Variants in BCO1 observed in about 807,000 individuals in gnomAD.
BCO1 encodes the protein beta,beta-carotene 15,15'-dioxygenase.
BCO1 carries 54 observed loss-of-function variants against 56.3 expected under a neutral mutation model. That is an observed-to-expected ratio of 0.96 (90% CI 0.77 to 1.20). The LOEUF (loss-of-function observed/expected upper bound fraction) is 1.20. BCO1 is among the 50% of genes most tolerant of loss of function. BCO1 has a pLI of 0.00. For synonymous variants in BCO1, 318 were observed against 266.1 expected, an observed-to-expected ratio of 1.20 and a Z score of -1.90; for missense variants, 801 against 690.9, an observed-to-expected ratio of 1.16 and a Z score of -1.79.
At chr16:81,265,604 C>G (rs1906768445) in intron 5 of BCO1, among the ~76,000 whole-genome samples, 1 of 147,696 alleles carries the variant, frequency 6.8e-6, no homozygotes, top group African/African-American at 2.5e-5. Context: ...CATCATTCAT[C>G]CATCCATCCA....
Position 81,276,420 on chromosome 16 carries a change from G to A in BCO1, c.1102-4437G>A, listed in dbSNP as rs892525266. On this transcript the variant is annotated intron_variant, in intron 7 of 10. Transcript: ENST00000258168. ...GGGCCCAGCCTTGCTTCCAATACCC[G>A]TCTTCCTAAGGGCAGACTGCCACTC... Among the ~76,000 whole-genome samples, 17 of 152,248 alleles carry A rather than the reference G, an allele frequency of 1.1e-4. 1 individual carries two copies. Among genetic ancestry groups the A allele is most frequent in the Middle Eastern group, 6.8e-3 (2 of 294 alleles).
At chr16:81,269,167 C>T (rs60281792) in intron 6 of BCO1, among the ~76,000 whole-genome samples, 1 of 149,102 alleles carries the variant, frequency 6.7e-6, no homozygotes, top group East Asian at 2.0e-4. Flanking sequence ...TATAGAAAGC[C>T]ATGTATAAAA....
At chr16:81,284,715 C>T (rs1308569400) in intron 8 of BCO1, among the ~76,000 whole-genome samples, 1 of 151,962 alleles carries the variant, frequency 6.6e-6, no homozygotes, top group Non-Finnish European at 1.5e-5. Flanking sequence ...AAACTCCTGG[C>T]CTCAAGCGAT....
chr16:81,282,770 C>G (rs1907957511), intron 8 of BCO1, among the ~76,000 whole-genome samples: 1 of 152,106 alleles, frequency 6.6e-6, no homozygotes, highest in Admixed American at 6.6e-5. Context: ...TAATCCCTGC[C>G]CCCGTGACAG....
Position 81,238,948 on chromosome 16 carries a change from G to A in BCO1, c.40G>A (p.Glu14Lys), listed in dbSNP as rs928179301. 6.2e-7 allele frequency: 1 copy of A among 1,613,922 alleles called. No homozygotes were observed. Among genetic ancestry groups the A allele is most frequent in the Non-Finnish European group, 8.5e-7 (1 of 1,180,020 alleles). Residue 14 changes from glutamate (E) to lysine (K), a missense_variant, in exon 1 of 11, where the codon GAG becomes AAG. Transcript: ENST00000258168. ...TGGCAGGAATAGGAAAGAACAGCTGGAGCCTGTGAGGGCCAAAGTGACAGG... is the reference window on the plus strand; with the variant it reads ...TGGCAGGAATAGGAAAGAACAGCTGAAGCCTGTGAGGGCCAAAGTGACAGG... ...IFGRNRKEQL[E>K]PVRAKVTGKI...
chr16:81,276,376 G>C (rs946580693), intron 7 of BCO1, among the ~76,000 whole-genome samples: 1 of 152,196 alleles, frequency 6.6e-6, no homozygotes, highest in African/African-American at 2.4e-5. Context: ...GGACACCTGG[G>C]ATCCCAGAAG....
chr16:81,249,740 T>C (rs1228786141), intron 2 of BCO1, among the ~76,000 whole-genome samples: 2 of 152,134 alleles, frequency 1.3e-5, no homozygotes, highest in Middle Eastern at 3.2e-3. Context: ...GCTGGGAAAA[T>C]AGGAAACCCA....
At chr16:81,250,984 G>A (rs1205228850) in intron 2 of BCO1, among the ~76,000 whole-genome samples, 1 of 152,130 alleles carries the variant, frequency 6.6e-6, no homozygotes, top group Non-Finnish European at 1.5e-5. Flanking sequence ...GTGACCCCGA[G>A]CCCTCTGAGG....
chr16:81,259,052 C>T (rs1381674783), intron 2 of BCO1, among the ~76,000 whole-genome samples: 1 of 152,142 alleles, frequency 6.6e-6, no homozygotes, highest in Non-Finnish European at 1.5e-5. Flanking sequence ...GAGGGACCCA[C>T]CCCCATCACC....
intron 7 of BCO1, among the ~76,000 whole-genome samples, chr16:81,276,243 T>A (rs1454362307): frequency 6.6e-6 from 1 of 152,246 alleles, no homozygotes; most frequent in Admixed American, 6.5e-5. Flanking sequence ...TTTGGCACTT[T>A]GGAGGACTGT....
chr16:81,261,144 A>G (rs1906458632), intron 3 of BCO1, among the ~76,000 whole-genome samples: 1 of 152,170 alleles, frequency 6.6e-6, no homozygotes, highest in Admixed American at 6.5e-5. Context: ...TAAAACCACC[A>G]TACTTACCTG....
At chr16:81,278,868 C>A (rs911640138) in intron 7 of BCO1, among the ~76,000 whole-genome samples, 1 of 152,196 alleles carries the variant, frequency 6.6e-6, no homozygotes, top group African/African-American at 2.4e-5. Context: ...CAAATCGAGA[C>A]TGAATTAAAC....
intron 7 of BCO1, among the ~76,000 whole-genome samples, chr16:81,278,934 T>A (rs1907710531): frequency 6.6e-6 from 1 of 151,536 alleles, no homozygotes; most frequent in African/African-American, 2.4e-5. Flanking sequence ...CTTTTCATGC[T>A]CTCCAACAAA....
chr16:81,240,027 C>A (rs1905043481), intron 1 of BCO1, among the ~76,000 whole-genome samples: 1 of 151,900 alleles, frequency 6.6e-6, no homozygotes. Context: ...CAGATTGAAG[C>A]TTTTCAACTG....
At chr16:81,252,404 C>T (rs963786778) in intron 2 of BCO1, among the ~76,000 whole-genome samples, 10 of 151,968 alleles carry the variant, frequency 6.6e-5, no homozygotes, top group Non-Finnish European at 1.0e-4. Flanking sequence ...TACAGACACC[C>T]GGCACCATGC....
At chr16:81,242,838 G>T (rs2151924367) in intron 1 of BCO1, among the ~76,000 whole-genome samples, 1 of 152,228 alleles carries the variant, frequency 6.6e-6, no homozygotes, top group East Asian at 1.9e-4. Context: ...CAGATCGGTG[G>T]CATTAGATTC....
At chr16:81,256,494 A>G (rs979788689) in intron 2 of BCO1, among the ~76,000 whole-genome samples, 2 of 152,206 alleles carry the variant, frequency 1.3e-5, no homozygotes, top group Non-Finnish European at 2.9e-5. Flanking sequence ...TGCGTTCTGT[A>G]AAAGGAAAAA....
intron 7 of BCO1, among the ~76,000 whole-genome samples, chr16:81,279,245 C>CTCCA (rs1336482247): frequency 6.6e-6 from 1 of 152,182 alleles, no homozygotes; most frequent in Non-Finnish European, 1.5e-5. Flanking sequence ...CACTACTGTA[C>CTCCA]TCCAGCCTGG....
At chr16:81,266,808 C>G (rs377505790) in intron 5 of BCO1, among the ~76,000 whole-genome samples, 8 of 152,232 alleles carry the variant, frequency 5.3e-5, no homozygotes, top group South Asian at 2.1e-4. Flanking sequence ...CGACTCATGC[C>G]CCATCCTGCT....
Sources: gnomAD v4.1 joint callset for allele counts (sites outside exome capture counted in the v4.1 genomes callset) on GRCh38, gnomAD v4.1.1 for gene constraint, MANE v1.5 for transcripts, NCBI Gene and HGNC (gene_info 2026-07-23, HGNC 2026-07-21) for gene names.